Variants in ARHGEF3 observed in about 807,000 individuals in gnomAD.
The protein encoded by ARHGEF3 is Rho guanine nucleotide exchange factor 3.
Under a neutral mutation model 63.2 loss-of-function variants are expected in ARHGEF3, and 28 were observed. That is an observed-to-expected ratio of 0.44 (90% CI 0.33 to 0.61). The LOEUF is 0.61. Ranked by LOEUF, ARHGEF3 falls within the 20% of genes least tolerant of loss-of-function variation. The pLI is 0.03. For missense variants in ARHGEF3, 533 were observed against 659.3 expected, an observed-to-expected ratio of 0.81 and a Z score of 2.10; for synonymous variants, 266 against 254.2, an observed-to-expected ratio of 1.05 and a Z score of -0.44.
At chr3:56,759,039 T>C (rs2035264709) in intron 2 of ARHGEF3, among the ~76,000 whole-genome samples, 1 of 152,190 alleles carries the variant, frequency 6.6e-6, no homozygotes, top group Non-Finnish European at 1.5e-5. Flanking sequence ...TTCTCATACA[T>C]TACAAAAGTA....
chr3:56,759,174 ATTTTTT>A (rs35855808), intron 2 of ARHGEF3, among the ~76,000 whole-genome samples: 1 of 128,168 alleles, frequency 7.8e-6, no homozygotes, highest in East Asian at 2.3e-4. Flanking sequence ...AGAAAACTGA[ATTTTTT>A]TTTTTTTTTT....
chr3:56,787,206 T>C (rs1211448479), intron 1 of ARHGEF3, among the ~76,000 whole-genome samples: 1 of 152,142 alleles, frequency 6.6e-6, no homozygotes, highest in Non-Finnish European at 1.5e-5. Flanking sequence ...GGAAGGTTCT[T>C]CTTTTACATG....
intron 2 of ARHGEF3, among the ~76,000 whole-genome samples, chr3:56,975,002 G>A (rs766084769): frequency 3.3e-5 from 5 of 152,064 alleles, no homozygotes; most frequent in Admixed American, 3.3e-4. Flanking sequence ...CTGATGAGAC[G>A]GATGTGGGAT....
chr3:56,766,965 A>T (rs1314189732), intron 2 of ARHGEF3, among the ~76,000 whole-genome samples: 2 of 152,222 alleles, frequency 1.3e-5, no homozygotes. Context: ...CAGGAGAGTG[A>T]TTAACTCAAC....
chr3:56,837,146 G>T (rs150139779), intron 4 of ARHGEF3, among the ~76,000 whole-genome samples: 11 of 152,248 alleles, frequency 7.2e-5, no homozygotes, highest in Non-Finnish European at 1.6e-4. Flanking sequence ...GAGTCAGGAG[G>T]TTCAGAAAAT....
chr3:56,784,209 T>A (rs973317093), intron 1 of ARHGEF3, among the ~76,000 whole-genome samples: 1 of 152,172 alleles, frequency 6.6e-6, no homozygotes, highest in African/African-American at 2.4e-5. Flanking sequence ...CCTTAAAAAT[T>A]AGGAGAGTTG....
chr3:57,018,129 A>T (rs1703097497), intron 2 of ARHGEF3, among the ~76,000 whole-genome samples: 1 of 152,116 alleles, frequency 6.6e-6, no homozygotes, highest in East Asian at 1.9e-4. Flanking sequence ...AAATAGAAAA[A>T]TTAGCTGGGC....
intron 2 of ARHGEF3, among the ~76,000 whole-genome samples, chr3:56,975,207 C>T (rs1024525803): frequency 6.6e-6 from 1 of 152,134 alleles, no homozygotes; most frequent in African/African-American, 2.4e-5. Context: ...CATTTGAGGT[C>T]AGGAGTATGA....
chr3:56,780,633 T>G (rs554723572), intron 1 of ARHGEF3, among the ~76,000 whole-genome samples: 2 of 126,514 alleles, frequency 1.6e-5, no homozygotes, highest in East Asian at 6.8e-4. Flanking sequence ...TCTGTCTTGT[T>G]GTCTTTCATG....
At chr3:56,750,914 A>T (rs955391937) in intron 6 of ARHGEF3, 142 bp downstream of exon 6, 4 of 544,814 alleles carry the variant, frequency 7.3e-6, no homozygotes, top group Admixed American at 4.0e-5. Flanking sequence ...TTTAATTAAA[A>T]TTTTACTAGG....
chr3:56,900,951 C>A lies in ARHGEF3; in HGVS notation c.130-18597G>T, dbSNP rs557891672. Among the ~76,000 whole-genome samples, 11 of 152,248 alleles carry A rather than the reference C, an allele frequency of 7.2e-5. No homozygotes were observed. In the South Asian group the frequency reaches 1.0e-3, roughly 14 times the overall value. On this transcript the variant is annotated intron_variant, in intron 3 of 12. Coordinates refer to the ARHGEF3 transcript ENST00000338458. ...AAACTGACGGAGTTGGCCCAGGTGA[C>A]CTCTAAAGTTTCCTTCTAACATTTT...
chr3:56,916,221 C>G, intron 3 of ARHGEF3: 4 of 1,468,490 alleles, frequency 2.7e-6, no homozygotes, highest in South Asian at 1.3e-5. Flanking sequence ...ACTGCATCCT[C>G]CCACACCTCA....
chr3:57,011,224 G>C (rs990627911), intron 2 of ARHGEF3, among the ~76,000 whole-genome samples: 2 of 152,198 alleles, frequency 1.3e-5, no homozygotes, highest in African/African-American at 4.8e-5. Context: ...AGGAGGCAAA[G>C]TTAAACCGCC....
At chr3:56,921,171 C>T (rs2042128959) in intron 3 of ARHGEF3, among the ~76,000 whole-genome samples, 1 of 149,946 alleles carries the variant, frequency 6.7e-6, no homozygotes, top group Admixed American at 6.6e-5. Context: ...TCAAGACCTG[C>T]CTGGACAACA....
Position 56,825,378 on chromosome 3 carries a change from G to A in ARHGEF3, c.193-51562C>T, listed in dbSNP as rs1393318880. Among the ~76,000 whole-genome samples the A allele has an allele frequency of 2.0e-5, 3 of 152,322 alleles. No individual in the cohort carries two copies. The East Asian group carries it at 5.8e-4, about 29-fold the overall frequency. On this transcript the variant is annotated intron_variant, in intron 4 of 12. Coordinates refer to the ARHGEF3 transcript ENST00000338458. ...ACAAAAGCACCAATTTAAGAATCCA[G>A]CCCAATTTGAGACCTCATTCTTTTT...
chr3:56,751,645 T>C (rs1330831737), intron 4 of ARHGEF3, among the ~76,000 whole-genome samples: 3 of 152,218 alleles, frequency 2.0e-5, no homozygotes, highest in South Asian at 2.1e-4. Flanking sequence ...TAGTATGTCA[T>C]ATATCTAGGA....
chr3:56,800,651 T>A (rs1325257067), intron 1 of ARHGEF3, among the ~76,000 whole-genome samples: 1 of 151,806 alleles, frequency 6.6e-6, no homozygotes, highest in Admixed American at 6.6e-5. Context: ...GGAAGGCGAG[T>A]GGGTGGAACC....
At chr3:56,871,716 T>C (rs1234759908) in intron 4 of ARHGEF3, among the ~76,000 whole-genome samples, 3 of 152,192 alleles carry the variant, frequency 2.0e-5, no homozygotes, top group Admixed American at 1.3e-4. Flanking sequence ...ATAGAAAAGC[T>C]TATCATAACA....
At chr3:57,020,621 G>A (rs1174165630) in intron 2 of ARHGEF3, among the ~76,000 whole-genome samples, 1 of 152,222 alleles carries the variant, frequency 6.6e-6, no homozygotes, top group East Asian at 1.9e-4. Flanking sequence ...GGAGTCAAAT[G>A]CCAGCCTGGA....
Sources: allele counts gnomAD v4.1 joint callset (sites outside exome capture counted in the v4.1 genomes callset), GRCh38; gene constraint gnomAD v4.1.1; transcripts MANE v1.5; gene names NCBI Gene and HGNC (gene_info 2026-07-23, HGNC 2026-07-21).